Variants in DAB1 observed in about 807,000 individuals in gnomAD.
The protein encoded by DAB1 is disabled homolog 1.
In DAB1, 15 loss-of-function variants were observed where a neutral mutation model predicts 64.6. The ratio of observed to expected loss-of-function variants is 0.23; its 90% CI spans 0.16 to 0.36. The LOEUF is 0.36. Ranked by LOEUF, DAB1 falls within the 10% of genes least tolerant of loss-of-function variation. The pLI is 1.00. For missense variants in DAB1, 596 were observed against 706.7 expected, an observed-to-expected ratio of 0.84 and a Z score of 1.78; for synonymous variants, 235 against 251.9, an observed-to-expected ratio of 0.93 and a Z score of 0.64.
intron 7 of DAB1, among the ~76,000 whole-genome samples, chr1:57,431,014 T>C (rs796762741): frequency 1.8e-4 from 27 of 151,532 alleles, no homozygotes; most frequent in African/African-American, 6.3e-4. Context: ...TACAGGACGC[T>C]AAGGGAGCAT....
At chr1:58,054,810 A>C (rs867237298) in intron 5 of DAB1, among the ~76,000 whole-genome samples, 4 of 152,180 alleles carry the variant, frequency 2.6e-5, no homozygotes, top group Non-Finnish European at 5.9e-5. Context: ...CAGTGGGGAG[A>C]AATTGCTGTT....
At chr1:57,302,979 T>C (rs1673794198) in intron 1 of DAB1, among the ~76,000 whole-genome samples, 1 of 152,186 alleles carries the variant, frequency 6.6e-6, no homozygotes, top group Admixed American at 6.5e-5. Context: ...TATTAAATGA[T>C]GTAATCCACA....
At chr1:57,534,504 G>A (rs1644702451) in intron 7 of DAB1, among the ~76,000 whole-genome samples, 2 of 152,156 alleles carry the variant, frequency 1.3e-5, no homozygotes, top group African/African-American at 2.4e-5. Context: ...GATCAATTAG[G>A]CCCTGGAGGG....
intron 5 of DAB1, among the ~76,000 whole-genome samples, chr1:57,960,435 A>T (rs948181859): frequency 6.6e-6 from 1 of 151,836 alleles, no homozygotes; most frequent in Non-Finnish European, 1.5e-5. Flanking sequence ...ATACAGGAAA[A>T]TTTCCTTTAT....
At chr1:58,511,636 AAC>A (rs371601891) in intron 2 of DAB1, among the ~76,000 whole-genome samples, 3 of 150,956 alleles carry the variant, frequency 2.0e-5, no homozygotes, top group Admixed American at 6.6e-5. Context: ...CTCAAAAACG[AAC>A]ACACACACAC....
intron 1 of DAB1, among the ~76,000 whole-genome samples, chr1:57,868,957 T>G (rs1179354196): frequency 6.6e-6 from 1 of 152,150 alleles, no homozygotes; most frequent in African/African-American, 2.4e-5. Context: ...CAAGGTTCTG[T>G]TCAAACACCA....
At chr1:57,518,237 C>CA (rs1296145362) in intron 7 of DAB1, among the ~76,000 whole-genome samples, 1 of 152,138 alleles carries the variant, frequency 6.6e-6, no homozygotes, top group Non-Finnish European at 1.5e-5. Context: ...TACTGATTCT[C>CA]AATGATCTCA....
At chr1:57,100,152 T>C (rs1337743075) in intron 4 of DAB1, among the ~76,000 whole-genome samples, 3 of 152,180 alleles carry the variant, frequency 2.0e-5, no homozygotes, top group African/African-American at 4.8e-5. Context: ...TTAACCTCTC[T>C]GAATCTTGGT....
chr1:58,130,639 G>T (rs1487989506), intron 5 of DAB1, among the ~76,000 whole-genome samples: 27 of 152,074 alleles, frequency 1.8e-4, no homozygotes, highest in South Asian at 6.3e-4. Flanking sequence ...AGGAGCTCTT[G>T]TAAGGCAGGC....
At chr1:58,135,378 G>C (rs1277578097) in intron 5 of DAB1, among the ~76,000 whole-genome samples, 1 of 152,128 alleles carries the variant, frequency 6.6e-6, no homozygotes, top group African/African-American at 2.4e-5. Flanking sequence ...GGTAAATGGG[G>C]AGATTTCTTT....
At chr1:57,727,584 G>A (rs1261773921) in intron 6 of DAB1, among the ~76,000 whole-genome samples, 2 of 152,136 alleles carry the variant, frequency 1.3e-5, no homozygotes, top group Non-Finnish European at 2.9e-5. Flanking sequence ...CTGGATCCTG[G>A]AGCCACTTTC....
chr1:57,914,534 C>A (rs111519162), intron 5 of DAB1, among the ~76,000 whole-genome samples: 2 of 151,968 alleles, frequency 1.3e-5, no homozygotes, highest in African/African-American at 4.8e-5. Context: ...AACAAACCTG[C>A]ACGTTGTGCA....
chr1:57,500,895 T>C (rs542072325), intron 7 of DAB1, among the ~76,000 whole-genome samples: 1 of 152,292 alleles, frequency 6.6e-6, no homozygotes, highest in East Asian at 1.9e-4. Flanking sequence ...ATCTGGAGCT[T>C]TTTACCTGGC....
chr1:57,418,245 G>A (rs1300346948), intron 1 of DAB1, among the ~76,000 whole-genome samples: 1 of 152,128 alleles, frequency 6.6e-6, no homozygotes, highest in Non-Finnish European at 1.5e-5. Context: ...TTCTCTCAAT[G>A]CATATTCACA....
chr1:57,553,434 G>GAAAA (rs1376950160), intron 7 of DAB1, among the ~76,000 whole-genome samples: 4 of 15,440 alleles, frequency 2.6e-4, no homozygotes, highest in Non-Finnish European at 1.9e-3. Context: ...AAGAAAGAAA[G>GAAAA]AAAGAAAGAG....
chr1:57,901,051 T>C (rs2101994859), intron 5 of DAB1, among the ~76,000 whole-genome samples: 1 of 152,270 alleles, frequency 6.6e-6, no homozygotes, highest in South Asian at 2.1e-4. Flanking sequence ...GTTCTCATGC[T>C]ATCCATATAA....
At chr1:58,376,202 A>AT in intron 3 of DAB1, among the ~76,000 whole-genome samples, 2 of 147,406 alleles carry the variant, frequency 1.4e-5, no homozygotes, top group Non-Finnish European at 3.0e-5. Flanking sequence ...GATTTTAGTT[A>AT]TTTCTTGCCT....
chr1:57,444,911 T>G (rs1686081242), intron 7 of DAB1, among the ~76,000 whole-genome samples: 1 of 152,200 alleles, frequency 6.6e-6, no homozygotes, highest in African/African-American at 2.4e-5. Flanking sequence ...AAACTAATAC[T>G]GTCATCTATA....
intron 4 of DAB1, among the ~76,000 whole-genome samples, chr1:57,098,637 T>C (rs1032588912): frequency 1.8e-4 from 28 of 152,216 alleles, no homozygotes; most frequent in Non-Finnish European, 3.4e-4. Flanking sequence ...ACATTATGGC[T>C]TGTTCCTTGT....
Sources: gnomAD v4.1 joint callset for allele counts (sites outside exome capture counted in the v4.1 genomes callset) on GRCh38, gnomAD v4.1.1 for gene constraint, MANE v1.5 for transcripts, NCBI Gene and HGNC (gene_info 2026-07-23, HGNC 2026-07-21) for gene names.